Variants in SAG observed in about 807,000 individuals in gnomAD.
SAG encodes the protein S-arrestin.
In SAG, 45 loss-of-function variants were observed where a neutral mutation model predicts 55.0. The observed-to-expected ratio is 0.82, with a 90% CI of 0.64 to 1.05. The LOEUF is 1.05. Among genes scored for constraint, SAG ranks in the 50% least tolerant of loss-of-function variants. SAG has a pLI of 0.00. For missense variants in SAG, 455 were observed against 512.1 expected (o/e 0.89, Z 1.08); for synonymous variants, 189 against 197.4 (o/e 0.96, Z 0.36).
At chr2:233,338,422 G>A (rs1701004276) in intron 11 of SAG, 1 of 517,284 alleles carries the variant, frequency 1.9e-6, no homozygotes, top group Non-Finnish European at 3.5e-6. Context: ...GTCAAGCACA[G>A]AGAAGGGGGT....
intron 15 of SAG, 115 bp downstream of exon 15, chr2:233,346,527 G>A (rs35054541): frequency 1.7e-6 from 2 of 1,159,002 alleles, no homozygotes. Flanking sequence ...TGCCGGCTCA[G>A]GAGGCACATC....
At chr2:233,312,915 C>T (rs1274825894) in intron 2 of SAG, among the ~76,000 whole-genome samples, 1 of 152,236 alleles carries the variant, frequency 6.6e-6, no homozygotes, top group Non-Finnish European at 1.5e-5. Flanking sequence ...TGCCAGTTCA[C>T]TTGCTGGGCT....
At chr2:233,338,800 G>A in intron 12 of SAG, 47 bp downstream of exon 12, 1 of 1,516,192 alleles carries the variant, frequency 6.6e-7, no homozygotes, top group Non-Finnish European at 9.2e-7. Context: ...CCTGGTCTTA[G>A]ATGGTCTGAA....
At chr2:233,314,629 T>C (rs1700169017) in intron 2 of SAG, among the ~76,000 whole-genome samples, 1 of 152,174 alleles carries the variant, frequency 6.6e-6, no homozygotes, top group Non-Finnish European at 1.5e-5. Flanking sequence ...GTGCCAGGCT[T>C]CCACACCACC....
chr2:233,315,880 T>G (rs1242212807), intron 2 of SAG, among the ~76,000 whole-genome samples, 195 bp from the exon 3 acceptor site: 1 of 151,634 alleles, frequency 6.6e-6, no homozygotes, highest in Non-Finnish European at 1.5e-5. Context: ...TTTTTATATT[T>G]TTTTTTAGTA....
intron 9 of SAG, among the ~76,000 whole-genome samples, chr2:233,331,320 GAAGGAC>G (rs574129590): frequency 2.0e-4 from 31 of 152,332 alleles, no homozygotes; most frequent in African/African-American, 5.5e-4. Flanking sequence ...TGGAGGACAG[GAAGGAC>G]AATGTTCATG....
At chr2:233,346,164 T>TAAAATAA in intron 14 of SAG, 1 of 204,166 alleles carries the variant, frequency 4.9e-6, no homozygotes, top group Non-Finnish European at 9.6e-6. Flanking sequence ...TAAAATAAAA[T>TAAAATAA]AATAAAATAA....
At chr2:233,325,924 C>G (rs1436231171) in intron 6 of SAG, among the ~76,000 whole-genome samples, 2 of 152,148 alleles carry the variant, frequency 1.3e-5, no homozygotes, top group African/African-American at 4.8e-5. Flanking sequence ...GGGAAGGATG[C>G]ATATTTATTT....
intron 10 of SAG, 60 bp from the exon 11 acceptor site, chr2:233,334,902 G>T (rs373098571): frequency 1.3e-6 from 2 of 1,590,032 alleles, no homozygotes; most frequent in Admixed American, 1.7e-5. Flanking sequence ...TCAAATAGGG[G>T]CTCATGGGGT....
chr2:233,324,060 G>A (rs1225747629), intron 6 of SAG, among the ~76,000 whole-genome samples: 1 of 152,072 alleles, frequency 6.6e-6, no homozygotes, highest in Non-Finnish European at 1.5e-5. Flanking sequence ...GGTGTGTTCC[G>A]GGGGCAGTGA....
Position 233,346,959 on chromosome 2 carries a change from A to G in SAG, c.*47A>G. The G allele has an allele frequency of 9.3e-7, 1 of 1,074,116 alleles. No homozygotes were observed. Among genetic ancestry groups the G allele is most frequent in the Non-Finnish European group, 1.4e-6 (1 of 704,626 alleles). 66.5% of individuals were successfully genotyped at this position (1,074,116 alleles called of 1,614,324 possible). A position where few individuals can be genotyped will look rare whatever the true frequency, so the allele number is the denominator to read the frequency against. On this transcript the variant is annotated 3_prime_UTR_variant, in exon 16 of 16. Coordinates refer to ENST00000409110, the MANE Select transcript of SAG (RefSeq NM_000541.5). ...GAAAATGACCTGTAGTTACCAGTGC[A>G]ACGAGCAAAGCCCCACAGTTTAGTC...
chr2:233,309,406 T>A (rs1019766658), intron 2 of SAG, 142 bp downstream of exon 2: 1 of 689,590 alleles, frequency 1.5e-6, no homozygotes, highest in Non-Finnish European at 2.5e-6. Context: ...ATCCCAGCAC[T>A]TTGGGAGGCG....
chr2:233,321,037 C>A (rs1364096849), intron 5 of SAG, among the ~76,000 whole-genome samples: 1 of 152,166 alleles, frequency 6.6e-6, no homozygotes, highest in Non-Finnish European at 1.5e-5. Context: ...TTTCAACCTA[C>A]CGTTTACATA....
chr2:233,340,778 C>T lies in SAG; in HGVS notation c.1046+300C>T, dbSNP rs781720582. Among the ~76,000 whole-genome samples the T allele has an allele frequency of 3.3e-5, 5 of 151,828 alleles. No individual in the cohort carries two copies. Among genetic ancestry groups the T allele is most frequent in the African/African-American group, 7.3e-5 (3 of 41,264 alleles). On this transcript the variant is annotated intron_variant, in intron 13 of 15. Transcript: ENST00000409110. This position sits in a 1 kb window ranked among gnomAD's most constrained non-coding sequence, Gnocchi z 4.2. ...GTGTGTGTGTGTGTGTGTTTGTGTG[C>T]GGTAAAATACACATAACATAAATTT... is the stretch of plus-strand genomic sequence containing the variant.
Position 233,342,330 on chromosome 2 carries a change from A to G in SAG, c.1102+4A>G. 1 of 1,602,416 alleles carries G rather than the reference A, an allele frequency of 6.2e-7. No homozygotes were observed. The highest frequency in any genetic ancestry group is 2.2e-5 in the East Asian group (1 of 44,726). ...CACCCTCAGCCTGAGGACCCAGGTC[A>G]GTTATGTCCTTTTTTAGCTTTCTTT... On this transcript the variant is annotated splice_donor_region_variant and intron_variant, in intron 14 of 15. Coordinates refer to ENST00000409110, the MANE Select transcript of SAG (RefSeq NM_000541.5).
rs1445519466 is a variant in SAG, at chr2:233,340,490, C to A, written c.1046+12C>A. 2 of 1,606,472 alleles carry A rather than the reference C, an allele frequency of 1.2e-6. No individual in the cohort carries two copies. Among genetic ancestry groups the A allele is most frequent in the Non-Finnish European group, 1.7e-6 (2 of 1,175,136 alleles). On this transcript the variant is annotated intron_variant, in intron 13 of 15. Transcript: ENST00000409110. The surrounding 1 kb of genome is among the most constrained non-coding windows in gnomAD (Gnocchi z 4.2). ...GAGCTCACCTCCAGGTAAGCCTGTTCACCTTCCTTGTTTGATTGTTTCTCA... is the reference window on the plus strand; with the variant it reads ...GAGCTCACCTCCAGGTAAGCCTGTTAACCTTCCTTGTTTGATTGTTTCTCA...
intron 3 of SAG, among the ~76,000 whole-genome samples, chr2:233,317,973 A>C (rs1700258945): frequency 6.6e-6 from 1 of 152,110 alleles, no homozygotes; most frequent in African/African-American, 2.4e-5. Flanking sequence ...TGTCTGGAAA[A>C]AAATTTTTTT....
At position 233,335,078 on chromosome 2, in the gene SAG, C is replaced by A. The variant is rs1208719477; in HGVS notation, c.923C>A (p.Thr308Lys). Residue 308 changes from threonine to lysine, a missense_variant, in exon 11 of 16, where the codon ACA becomes AAA. Physicochemically the swap from Thr to Lys is moderately conservative, Grantham distance 78 (BLOSUM62 -1). Coordinates refer to ENST00000409110, the MANE Select transcript of SAG (RefSeq NM_000541.5). ...GATGGGAAAATCAAGCACGAGGACA[C>A]AAACCTTGCCTCCAGCACCATGTGA... ...ALDGKIKHED[T>K]NLASSTIIKE... is the part of the protein sequence containing the mutation. 6.2e-7 allele frequency: 1 copy of A among 1,613,722 alleles called. No homozygotes were observed. The highest frequency in any genetic ancestry group is 8.5e-7 in the Non-Finnish European group (1 of 1,179,782).
intron 13 of SAG, among the ~76,000 whole-genome samples, chr2:233,341,131 C>T (rs1006859413): frequency 2.6e-5 from 4 of 152,082 alleles, no homozygotes; most frequent in Non-Finnish European, 4.4e-5. Flanking sequence ...CCATTTTAAC[C>T]GTTTTGTTTT....
Sources: gnomAD v4.1 joint callset for allele counts (sites outside exome capture counted in the v4.1 genomes callset) on GRCh38, gnomAD v4.1.1 for gene constraint, Gnocchi (gnomAD v3.1) non-coding constraint, MANE v1.5 for transcripts, NCBI Gene and HGNC (gene_info 2026-07-23, HGNC 2026-07-21) for gene names.